LRP6: variants seen among roughly 807,000 people sequenced by gnomAD.
The protein encoded by LRP6 is LDL receptor related protein 6.
LRP6 carries 43 observed loss-of-function variants against 184.1 expected under a neutral mutation model. That is an observed-to-expected ratio of 0.23 (90% confidence interval 0.18 to 0.30). The LOEUF is 0.30. Ranked by LOEUF, LRP6 falls within the 10% of genes least tolerant of loss-of-function variation. LRP6 has a pLI of 1.00. For synonymous variants in LRP6, 719 were observed against 684.9 expected, an observed-to-expected ratio of 1.05 and a Z score of -0.78; for missense variants, 1,571 against 2,005.3, an observed-to-expected ratio of 0.78 and a Z score of 4.14.
intron 12 of LRP6, among the ~76,000 whole-genome samples, chr12:12,154,636 G>A (rs1165279655): frequency 2.0e-5 from 3 of 152,154 alleles, no homozygotes; most frequent in African/African-American, 4.8e-5. Context: ...AGATTGAGGT[G>A]GGAGGACTGC....
At position 12,150,788 on chromosome 12, in the gene LRP6, C is replaced by T. The variant is rs148315761; in HGVS notation, c.2994+48G>A. The T allele has an allele frequency of 1.6e-3, 2,607 of 1,590,718 alleles. 7 individuals are homozygous for T. Among genetic ancestry groups the T allele is most frequent in the Admixed American group, 3.7e-3 (220 of 59,994 alleles). On this transcript the variant is annotated intron_variant, in intron 13 of 22. Transcript: ENST00000261349. ...AAGTGAAACAGAGTGGTTGGTGAGTCCAGTTATTAGTCAGGAGAAATGAAT... is the reference window on the plus strand; with the variant it reads ...AAGTGAAACAGAGTGGTTGGTGAGTTCAGTTATTAGTCAGGAGAAATGAAT...
intron 3 of LRP6, among the ~76,000 whole-genome samples, chr12:12,189,590 C>A (rs1310576182): frequency 1.3e-5 from 2 of 152,088 alleles, no homozygotes; most frequent in Non-Finnish European, 2.9e-5. Context: ...CAACCTCCGC[C>A]TCCAGGGTTC....
In LRP6 at chr12:12,189,305, G is replaced by A. The variant is rs910127347; in HGVS notation, c.648-2186C>T. Among the ~76,000 whole-genome samples the A allele has an allele frequency of 9.9e-5, 15 of 152,186 alleles. 1 individual carries two copies. The highest frequency in any genetic ancestry group is 3.4e-3 in the Middle Eastern group (1 of 294). The stretch of plus-strand genomic sequence containing the variant: ...TTAATGTGAAGATTAAATAACATAC[G>A]CAAAAGCCATTCAGCACTACGCTTG... On this transcript the variant is annotated intron_variant, in intron 3 of 22. Transcript: ENST00000261349.
Position 12,235,859 on chromosome 12 carries a change from G to A in LRP6, c.449+8403C>T, listed in dbSNP as rs1864918439. Among the ~76,000 whole-genome samples the A allele has an allele frequency of 2.6e-5, 4 of 152,194 alleles. No homozygotes were observed. The South Asian group carries it at 6.2e-4, about 24-fold the overall frequency. The stretch of plus-strand genomic sequence containing the variant: ...CTCCTTGGAGAAATAGTTGATTCAA[G>A]GAGTGGAACAGAAAAAGGACACAAT... On this transcript the variant is annotated intron_variant, in intron 2 of 22. Transcript: ENST00000261349.
chr12:12,134,492 G>T (rs1030289224), intron 17 of LRP6, among the ~76,000 whole-genome samples: 1 of 152,124 alleles, frequency 6.6e-6, no homozygotes, highest in African/African-American at 2.4e-5. Flanking sequence ...ACAATGGAAT[G>T]TATCTATTTG....
intron 1 of LRP6, among the ~76,000 whole-genome samples, chr12:12,265,009 C>T (rs187329709): frequency 1.1e-4 from 17 of 152,292 alleles, no homozygotes; most frequent in Non-Finnish European, 1.8e-4. Flanking sequence ...TTACATCACA[C>T]GCTTCTCCTC....
At chr12:12,163,871 C>T (rs1000132246) in intron 9 of LRP6, among the ~76,000 whole-genome samples, 3 of 152,126 alleles carry the variant, frequency 2.0e-5, no homozygotes, top group Non-Finnish European at 4.4e-5. Flanking sequence ...CGGTGGCTCA[C>T]GCCTGTAATC....
intron 7 of LRP6, among the ~76,000 whole-genome samples, chr12:12,173,093 C>G (rs75049047): frequency 0.041 from 6,262 of 152,202 alleles, 183 homozygotes; most frequent in Middle Eastern, 0.17. Context: ...CTAAAAATTG[C>G]TACTGTGACC....
At chr12:12,128,402 T>C (rs1456496526) in intron 19 of LRP6, among the ~76,000 whole-genome samples, 7 of 152,240 alleles carry the variant, frequency 4.6e-5, no homozygotes, top group Admixed American at 3.9e-4. Context: ...CTCCTCTTCT[T>C]ACTGTCCTGG....
intron 7 of LRP6, among the ~76,000 whole-genome samples, chr12:12,167,290 G>A (rs1476345886): frequency 6.6e-6 from 1 of 152,086 alleles, no homozygotes. Context: ...AAAGAGATTT[G>A]TATTTCAAAT....
intron 15 of LRP6, among the ~76,000 whole-genome samples, chr12:12,144,261 G>A (rs1218706699): frequency 6.6e-6 from 1 of 152,206 alleles, no homozygotes; most frequent in Non-Finnish European, 1.5e-5. Flanking sequence ...CCAGGCTGGA[G>A]TGCAGTGGTG....
chr12:12,120,045 A>AG lies in LRP6; in HGVS notation c.*1080_*1081insC, dbSNP rs1949584309. The AG allele has an allele frequency of 1.7e-5, 2 of 115,378 alleles. No individual in the cohort carries two copies. The highest frequency in any genetic ancestry group is 6.5e-5 in the African/African-American group (2 of 30,902). The allele number at this position is 115,378 out of a possible 1,614,324, so 7.1% of individuals were successfully genotyped here. A position where few individuals can be genotyped will look rare whatever the true frequency, so the allele number is the denominator to read the frequency against. On this transcript the variant is annotated 3_prime_UTR_variant, in exon 23 of 23. Transcript: ENST00000261349. The stretch of plus-strand genomic sequence containing the variant: ...TATATATATATATATATATATATAA[A>AG]TGATTTCGTACTGTGATATATGCTG...
intron 2 of LRP6, among the ~76,000 whole-genome samples, chr12:12,225,554 T>G (rs1426740765): frequency 6.6e-6 from 1 of 151,982 alleles, no homozygotes; most frequent in Non-Finnish European, 1.5e-5. Flanking sequence ...TGGTTTTACC[T>G]CCAGGAGCTC....
chr12:12,148,018 GTA>G (rs35731960), intron 14 of LRP6, among the ~76,000 whole-genome samples: 29,913 of 148,540 alleles, frequency 0.2, 3,512 homozygotes, highest in African/African-American at 0.32. Flanking sequence ...ATATATATGT[GTA>G]TATATATATA....
intron 12 of LRP6, among the ~76,000 whole-genome samples, chr12:12,154,695 T>A (rs925219096): frequency 6.6e-6 from 1 of 151,876 alleles, no homozygotes; most frequent in African/African-American, 2.4e-5. Context: ...TAAGACCTGA[T>A]CTCTTAAAAA....
In LRP6 at chr12:12,147,400, T is replaced by C; in HGVS notation, c.3363A>G (p.Ser1121=). 1.2e-6 allele frequency: 2 copies of C among 1,614,192 alleles called. No individual in the cohort carries two copies. Among genetic ancestry groups the C allele is most frequent in the Non-Finnish European group, 1.7e-6 (2 of 1,180,032 alleles). ...SRLGKLFWAD[S]DLRRIESSDL... Reference sequence around the variant, plus strand: ...CACTGCTTTCAATTCGCCGGAGATCTGAATCAGCCCAAAAGAGCTTGCCCA... The same window carrying C: ...CACTGCTTTCAATTCGCCGGAGATCCGAATCAGCCCAAAAGAGCTTGCCCA... The change falls in exon 15 of 23, where the codon TCA becomes TCG. Residue 1121 remains serine, a synonymous_variant. Coordinates refer to ENST00000261349, the MANE Select transcript of LRP6 (RefSeq NM_002336.3).
intron 7 of LRP6, among the ~76,000 whole-genome samples, chr12:12,175,647 C>T (rs1018344407): frequency 3.3e-5 from 5 of 151,538 alleles, no homozygotes; most frequent in East Asian, 3.9e-4. Flanking sequence ...GCCGAGATCG[C>T]GCCACTGCAC....
chr12:12,257,404 C>T (rs1224656671), intron 1 of LRP6, among the ~76,000 whole-genome samples: 4 of 151,438 alleles, frequency 2.6e-5, no homozygotes, highest in Non-Finnish European at 4.4e-5. Context: ...GGTAAAACCC[C>T]GTCTCTACTA....
At chr12:12,164,939 A>G (rs1346155394) in intron 8 of LRP6, 140 bp downstream of exon 8, 5 of 409,922 alleles carry the variant, frequency 1.2e-5, no homozygotes, top group Admixed American at 4.8e-5. Flanking sequence ...AAAAAAAAAA[A>G]AAAAAAAAAA....
Sources: allele counts gnomAD v4.1 joint callset (sites outside exome capture counted in the v4.1 genomes callset), GRCh38; gene constraint gnomAD v4.1.1; transcripts MANE v1.5; gene names NCBI Gene and HGNC (gene_info 2026-07-23, HGNC 2026-07-21).